The following ANK2 variants were observed in gnomAD, a reference collection of about 807,000 sequenced individuals.
The protein encoded by ANK2 is ankyrin-2.
ANK2 carries 83 observed loss-of-function variants against 360.5 expected under a neutral mutation model. The observed-to-expected ratio is 0.23, with a 90% CI of 0.19 to 0.28. ANK2 has a LOEUF of 0.28. ANK2 is among the 10% of genes least tolerant of loss of function. The probability of loss-of-function intolerance (pLI) is 1.00; values close to 1 mark genes in which losing one functional copy is unlikely to be tolerated. For missense variants in ANK2, 4,201 were observed against 4,795.7 expected (o/e 0.88, Z 3.66); for synonymous variants, 1,740 against 1,759.5 (o/e 0.99, Z 0.28).
At position 113,381,572 on chromosome 4, in the gene ANK2, C is replaced by G; in HGVS notation, c.*101C>G. The G allele has an allele frequency of 3.1e-6, 5 of 1,606,110 alleles. No individual in the cohort carries two copies. Among genetic ancestry groups the G allele is most frequent in the Non-Finnish European group, 4.3e-6 (5 of 1,175,460 alleles). On this transcript the variant is annotated 3_prime_UTR_variant, in exon 46 of 46. Transcript: ENST00000357077. ...ACCAGAAGCACTAGACCAGGACGAC[C>G]TCCAGCGCGATCTCCAGCAGCTCCT...
chr4:112,810,595 A>G, the ANK2 span, among the ~76,000 whole-genome samples: 4 of 152,132 alleles, frequency 2.6e-5, no homozygotes, highest in Non-Finnish European at 5.9e-5. Context: ...TTTGTCACCC[A>G]GGCTGGAGTG....
intron 17 of ANK2, among the ~76,000 whole-genome samples, chr4:113,279,322 C>T (rs1231318787): frequency 1.3e-5 from 2 of 152,126 alleles, no homozygotes; most frequent in African/African-American, 4.8e-5. Context: ...AAAACTGCCA[C>T]CATTTATTTG....
intron 1 of ANK2, among the ~76,000 whole-genome samples, chr4:113,115,165 C>T (rs772039173): frequency 5.9e-5 from 9 of 152,118 alleles, no homozygotes; most frequent in Non-Finnish European, 1.2e-4. Flanking sequence ...AAGTGGTAGA[C>T]GGTGACTCCC....
chr4:113,027,893 A>C (rs941157459), intron 2 of ANK2, among the ~76,000 whole-genome samples: 1 of 152,166 alleles, frequency 6.6e-6, no homozygotes, highest in Non-Finnish European at 1.5e-5. Flanking sequence ...ACAGTACACT[A>C]TCAGGTTATG....
chr4:113,171,499 A>T (rs2153221321), intron 1 of ANK2, among the ~76,000 whole-genome samples: 1 of 152,302 alleles, frequency 6.6e-6, no homozygotes, highest in East Asian at 1.9e-4. Flanking sequence ...CCATTTTATG[A>T]TAATATTTCC....
In ANK2 at chr4:113,355,243, G is replaced by A; in HGVS notation, c.6625G>A (p.Gly2209Arg). 2 of 1,614,100 alleles carry A rather than the reference G, an allele frequency of 1.2e-6. No homozygotes were observed. The highest frequency in any genetic ancestry group is 1.7e-6 in the Non-Finnish European group (2 of 1,179,976). Residue 2209 changes from glycine to arginine, a missense_variant, in exon 38 of 46, where the codon GGG (glycine) becomes AGG (arginine). Physicochemically the swap from Gly to Arg is moderately radical, Grantham distance 125. Coordinates refer to ENST00000357077, the MANE Select transcript of ANK2 (RefSeq NM_001148.6). The part of the protein sequence containing the change: ...DGSSESLKNE[G>R]VAGSPCGSLM... ...CAGTTCTGAAAGCCTAAAGAATGAG[G>A]GGGTAGCCGGCTCTCCGTGTGGCAG...
the ANK2 span, among the ~76,000 whole-genome samples, chr4:112,720,694 T>G: frequency 6.6e-6 from 1 of 152,246 alleles, no homozygotes; most frequent in Admixed American, 6.5e-5. Context: ...ATTAAAGTCT[T>G]ACATGTGTGG....
chr4:112,848,814 T>G (rs1254397939), intron 1 of ANK2, among the ~76,000 whole-genome samples: 1 of 152,122 alleles, frequency 6.6e-6, no homozygotes, highest in Non-Finnish European at 1.5e-5. Context: ...TGAATAGAAA[T>G]AAATTAAAGT....
intron 4 of ANK2, among the ~76,000 whole-genome samples, chr4:113,202,027 A>G (rs1190037994): frequency 1.3e-5 from 2 of 152,196 alleles, no homozygotes; most frequent in Non-Finnish European, 2.9e-5. Context: ...AGGAAGAAAA[A>G]CTAGTAATCA....
the ANK2 span, among the ~76,000 whole-genome samples, chr4:112,809,615 A>C: frequency 0.72 from 103,427 of 143,548 alleles, 38,133 homozygotes; most frequent in East Asian, 0.97. Context: ...GGCACAGTGG[A>C]TCACACCTGT....
chr4:112,932,304 C>G (rs2093322555), intron 2 of ANK2, among the ~76,000 whole-genome samples: 1 of 151,938 alleles, frequency 6.6e-6, no homozygotes, highest in South Asian at 2.1e-4. Flanking sequence ...CCAGCCTGAC[C>G]CACATGGTGA....
At chr4:113,206,265 C>A (rs1277131335) in intron 4 of ANK2, among the ~76,000 whole-genome samples, 2 of 152,182 alleles carry the variant, frequency 1.3e-5, no homozygotes, top group Non-Finnish European at 2.9e-5. Context: ...CCTGACAGGC[C>A]CCAGTGTGTG....
At chr4:113,249,890 C>T (rs373174512) in intron 10 of ANK2, 28 bp downstream of exon 10, 3 of 1,587,746 alleles carry the variant, frequency 1.9e-6, no homozygotes, top group African/African-American at 2.7e-5. Context: ...AGATGGGGTC[C>T]TAAGAAATCT....
chr4:113,212,166 C>T (rs929293022), intron 4 of ANK2, among the ~76,000 whole-genome samples: 1 of 152,140 alleles, frequency 6.6e-6, no homozygotes, highest in Non-Finnish European at 1.5e-5. Context: ...TTGATTTAAA[C>T]CCCAAACTTT....
At chr4:112,975,908 G>A (rs1457154528) in intron 2 of ANK2, among the ~76,000 whole-genome samples, 1 of 152,160 alleles carries the variant, frequency 6.6e-6, no homozygotes, top group East Asian at 1.9e-4. Context: ...TGATCAATCT[G>A]TGTCTGGTTT....
chr4:113,285,193 C>G (rs1372049307), intron 18 of ANK2, among the ~76,000 whole-genome samples: 1 of 151,704 alleles, frequency 6.6e-6, no homozygotes, highest in African/African-American at 2.4e-5. Context: ...TCTATTCTCA[C>G]ACCTACCACA....
chr4:113,277,190 CAACATCATGCCAGAAGTAG>C (rs2060540433), intron 15 of ANK2, among the ~76,000 whole-genome samples: 1 of 152,150 alleles, frequency 6.6e-6, no homozygotes, highest in Admixed American at 6.6e-5. Context: ...TTAATCAGCC[CAACATCATGCCAGAAGTAG>C]AACGTATTTT....
chr4:112,833,152 T>A (rs907191203), intron 1 of ANK2, among the ~76,000 whole-genome samples: 4 of 152,242 alleles, frequency 2.6e-5, no homozygotes, highest in African/African-American at 9.6e-5. Context: ...AGGAAATTCC[T>A]TAGAAGTTCT....
At chr4:112,823,239 G>C (rs1437359915) in intron 1 of ANK2, among the ~76,000 whole-genome samples, 1 of 152,176 alleles carries the variant, frequency 6.6e-6, no homozygotes, top group South Asian at 2.1e-4. Flanking sequence ...GGTTGAGTGA[G>C]GGTATCTCTT....
Sources: allele counts gnomAD v4.1 joint callset (sites outside exome capture counted in the v4.1 genomes callset), GRCh38; gene constraint gnomAD v4.1.1; transcripts MANE v1.5; gene names NCBI Gene and HGNC (gene_info 2026-07-23, HGNC 2026-07-21).